The following GRK1 variants were observed in gnomAD, a reference collection of about 807,000 sequenced individuals.
GRK1 encodes the protein rhodopsin kinase GRK1.
GRK1 carries 28 observed loss-of-function variants against 41.7 expected under a neutral mutation model. The observed-to-expected ratio is 0.67, with a 90% CI of 0.50 to 0.92. GRK1 has a LOEUF of 0.92. Ranked by LOEUF, GRK1 falls within the 40% of genes least tolerant of loss-of-function variation. The pLI, the probability that GRK1 is intolerant of heterozygous loss-of-function variation, is 0.00. For missense variants in GRK1, 703 were observed against 671.2 expected (o/e 1.05, Z -0.52); for synonymous variants, 327 against 286.7 (o/e 1.14, Z -1.42).
chr13:113,724,623 G>A (rs948538566), intron 4 of GRK1, among the ~76,000 whole-genome samples: 9 of 152,214 alleles, frequency 5.9e-5, no homozygotes, highest in African/African-American at 2.2e-4. Context: ...CACCCCTCAT[G>A]GCTGGGTTGC....
In GRK1 at chr13:113,669,811, T is replaced by C; in HGVS notation, c.824T>C (p.Ile275Thr). Residue 275 changes from isoleucine to threonine, a missense_variant, in exon 2 of 7, where the codon ATC becomes ACC. Transcript: ENST00000335678. ...ATGACCATCATGAACGGAGGTGACATCAGGTAAGGGCTGGGCCAGAGGGCA... is the reference window on the plus strand; with the variant it reads ...ATGACCATCATGAACGGAGGTGACACCAGGTAAGGGCTGGGCCAGAGGGCA... The part of the protein sequence containing the change: ...LVMTIMNGGD[I>T]RYHIYNVNEE... The C allele has an allele frequency of 5.0e-6, 8 of 1,613,804 alleles. No homozygotes were observed. The highest frequency in any genetic ancestry group is 6.8e-6 in the Non-Finnish European group (8 of 1,179,808).
In GRK1 at chr13:113,733,797, GTGTATC is replaced by G. The variant is rs1379366917; in HGVS notation, c.1396+716_1396+721del. On this transcript the variant is annotated intron_variant, in intron 6 of 6. Coordinates refer to ENST00000335678, the MANE Select transcript of GRK1 (RefSeq NM_002929.3). ...TGCATACGTGTGTGCATGTGTGTAT[GTGTATC>G]TGTGTGCATACGTGTGTGCGTGTGT... Among the ~76,000 whole-genome samples the G allele has an allele frequency of 2.6e-3, 322 of 124,136 alleles. 6 individuals are homozygous for G. Among genetic ancestry groups the G allele is most frequent in the African/African-American group, 9.9e-3 (298 of 30,022 alleles). 81.4% of individuals were successfully genotyped at this position (124,136 alleles called of 152,430 possible).
At chr13:113,733,690 T>C (rs945412378) in intron 6 of GRK1, among the ~76,000 whole-genome samples, 3 of 145,440 alleles carry the variant, frequency 2.1e-5, no homozygotes, top group Non-Finnish European at 3.0e-5. Context: ...CATGTATGTG[T>C]GCATACATGT....
the GRK1 span, among the ~76,000 whole-genome samples, chr13:113,650,168 CAAAA>C: frequency 2.0e-5 from 2 of 99,982 alleles, no homozygotes; most frequent in African/African-American, 6.6e-5. The surrounding 1 kb of genome is among the most constrained non-coding windows in gnomAD (Gnocchi z 5.0). Context: ...AAGACTGTCT[CAAAA>C]AAAAAAAAAA....
In GRK1 at chr13:113,733,716, C is replaced by CGT. The variant is rs201369218; in HGVS notation, c.1396+639_1396+640dup. On this transcript the variant is annotated intron_variant, in intron 6 of 6. Coordinates refer to ENST00000335678, the MANE Select transcript of GRK1 (RefSeq NM_002929.3). Reference sequence around the variant, plus strand: ...GCATACATGTGTGCGTGTGTGCGCACGTGTGTGTGCGCGCGTGTGTATGTG... The same window carrying CGT: ...GCATACATGTGTGCGTGTGTGCGCACGTGTGTGTGTGCGCGCGTGTGTATGTG... Among the ~76,000 whole-genome samples the CGT allele has an allele frequency of 8.4e-5, 8 of 94,792 alleles. 1 individual carries two copies. In the South Asian group the frequency reaches 9.6e-4, roughly 11 times the overall value. 62.2% of individuals were successfully genotyped at this position (94,792 alleles called of 152,430 possible).
At position 113,733,840 on chromosome 13, in the gene GRK1, T is replaced by C. The variant is rs1270924743; in HGVS notation, c.1396+755T>C. On this transcript the variant is annotated intron_variant, in intron 6 of 6. Transcript: ENST00000335678. ...GTGTGTGCGTGTGTGTGCACGTGCG[T>C]GTGCATGTGTATGTGTGCATACGTG... Among the ~76,000 whole-genome samples the C allele has an allele frequency of 2.5e-4, 33 of 134,460 alleles. 1 individual carries two copies. Among genetic ancestry groups the C allele is most frequent in the African/African-American group, 8.3e-4 (26 of 31,248 alleles). The allele number at this position is 134,460 out of a possible 152,430, so 88.2% of individuals were successfully genotyped here.
the GRK1 span, among the ~76,000 whole-genome samples, chr13:113,659,519 C>T: frequency 1.5e-4 from 23 of 152,096 alleles, no homozygotes; most frequent in African/African-American, 5.5e-4. Flanking sequence ...AAATAATTGC[C>T]CTAAAATTCA....
the GRK1 span, among the ~76,000 whole-genome samples, chr13:113,659,295 C>T: frequency 6.6e-6 from 1 of 152,222 alleles, no homozygotes; most frequent in Non-Finnish European, 1.5e-5. Flanking sequence ...GATGGGAATG[C>T]AGGGCAAATG....
chr13:113,670,212 A>G (rs961605395), intron 2 of GRK1, among the ~76,000 whole-genome samples: 1 of 152,088 alleles, frequency 6.6e-6, no homozygotes, highest in African/African-American at 2.4e-5. Context: ...GCTGGAGACA[A>G]GATCAGTCCA....
intron 6 of GRK1, among the ~76,000 whole-genome samples, chr13:113,733,772 T>A (rs574409382): frequency 4.2e-5 from 6 of 142,772 alleles, no homozygotes; most frequent in Admixed American, 4.1e-4. Context: ...TGTATGTGTG[T>A]GCATACGTGT....
chr13:113,658,434 G>C, the GRK1 span, among the ~76,000 whole-genome samples: 1 of 152,248 alleles, frequency 6.6e-6, no homozygotes, highest in Non-Finnish European at 1.5e-5. Flanking sequence ...TCTGATTGCG[G>C]TGAGGGCACG....
At chr13:113,656,250 C>G in the GRK1 span, among the ~76,000 whole-genome samples, 2 of 152,204 alleles carry the variant, frequency 1.3e-5, no homozygotes, top group Non-Finnish European at 2.9e-5. Context: ...TTCTATTTGA[C>G]TTGGCCGCCT....
At chr13:113,653,039 T>C in the GRK1 span, 3 of 1,613,232 alleles carry the variant, frequency 1.9e-6, no homozygotes, top group South Asian at 1.1e-5. Flanking sequence ...GGAGGTGCAG[T>C]TGATGCTGTC....
chr13:113,651,622 A>G, the GRK1 span: 1 of 1,541,532 alleles, frequency 6.5e-7, no homozygotes, highest in Non-Finnish European at 8.8e-7. Flanking sequence ...CACGACCCTG[A>G]CAAGCTCCTT....
chr13:113,650,456 T>A, the GRK1 span: 5 of 1,613,850 alleles, frequency 3.1e-6, no homozygotes, highest in Non-Finnish European at 4.2e-6. This position sits in a 1 kb window ranked among gnomAD's most constrained non-coding sequence, Gnocchi z 5.0. Flanking sequence ...AAGGTGCCGT[T>A]GGGAGGGTAG....
Position 113,733,949 on chromosome 13 carries a change from T to TGTGTGCATACGTGTGTGTGC in GRK1, c.1396+870_1396+889dup, listed in dbSNP as rs1257669247. 1.0e-3 allele frequency among the ~76,000 whole-genome samples: 154 copies of TGTGTGCATACGTGTGTGTGC among 148,712 alleles called. 1 individual carries two copies. Among genetic ancestry groups the TGTGTGCATACGTGTGTGTGC allele is most frequent in the African/African-American group, 3.6e-3 (143 of 39,628 alleles). On this transcript the variant is annotated intron_variant, in intron 6 of 6. Transcript: ENST00000335678. ...GCATGTGTGCATACGTGTGTGCGTG[T>TGTGTGCATACGTGTGTGTGC]GTGTGCATACGTGTGTGTGCGTGTG...
chr13:113,733,851 A>ATGTGTATC (rs2049970970), intron 6 of GRK1, among the ~76,000 whole-genome samples: 2 of 73,816 alleles, frequency 2.7e-5, no homozygotes, highest in African/African-American at 6.6e-5. Context: ...GTGCATGTGT[A>ATGTGTATC]TGTGTGCATA....
At chr13:113,661,240 A>G in the GRK1 span, among the ~76,000 whole-genome samples, 1 of 152,178 alleles carries the variant, frequency 6.6e-6, no homozygotes, top group African/African-American at 2.4e-5. Flanking sequence ...ACATACTTCT[A>G]ATACTCATGA....
In GRK1 at chr13:113,733,674, T is replaced by C. The variant is rs558860282; in HGVS notation, c.1396+589T>C. ...ATACGTGTGTGTGCGTGTGTGCACG[T>C]GTGTGCATGTATGTGTGCATACATG... On this transcript the variant is annotated intron_variant, in intron 6 of 6. Coordinates refer to ENST00000335678, the MANE Select transcript of GRK1 (RefSeq NM_002929.3). Among the ~76,000 whole-genome samples the C allele has an allele frequency of 6.1e-5, 8 of 131,202 alleles. No homozygotes were observed. The East Asian group carries it at 8.7e-4, about 14-fold the overall frequency. The allele number at this position is 131,202 out of a possible 152,430, so 86.1% of individuals were successfully genotyped here.
Sources: allele counts gnomAD v4.1 joint callset (sites outside exome capture counted in the v4.1 genomes callset), GRCh38; gene constraint gnomAD v4.1.1; non-coding constraint Gnocchi (gnomAD v3.1); transcripts MANE v1.5; gene names NCBI Gene and HGNC (gene_info 2026-07-23, HGNC 2026-07-21).